The following ABL2 variants were observed in gnomAD, a reference collection of about 807,000 sequenced individuals.
ABL2 encodes the protein tyrosine-protein kinase ABL2.
ABL2 carries 49 observed loss-of-function variants against 107.7 expected under a neutral mutation model. The observed-to-expected ratio is 0.45, with a 90% CI of 0.36 to 0.58. The LOEUF (loss-of-function observed/expected upper bound fraction) is 0.58. Ranked by LOEUF, ABL2 falls within the 20% of genes least tolerant of loss-of-function variation. ABL2 has a pLI of 0.00. For synonymous variants in ABL2, 549 were observed against 548.6 expected (o/e 1.00, Z -0.01); for missense variants, 1,245 against 1,457.0 (o/e 0.85, Z 2.37).
intron 1 of ABL2, among the ~76,000 whole-genome samples, chr1:179,173,910 T>C (rs933928909): frequency 6.6e-6 from 1 of 151,266 alleles, no homozygotes; most frequent in Non-Finnish European, 1.5e-5. Context: ...AAGCAAAACA[T>C]AAAAATTTTT....
At chr1:179,114,162 G>A (rs1370097641) in intron 9 of ABL2, among the ~76,000 whole-genome samples, 1 of 152,154 alleles carries the variant, frequency 6.6e-6, no homozygotes, top group Admixed American at 6.5e-5. Flanking sequence ...GGCTGAGGCA[G>A]GAGAATCGCT....
rs17838214 is a variant in ABL2, at chr1:179,126,905, T to C, written c.392-233A>G. On this transcript the variant is annotated intron_variant, in intron 3 of 11. Transcript: ENST00000502732. This position sits in a 1 kb window ranked among gnomAD's most constrained non-coding sequence, Gnocchi z 4.4. Reference sequence around the variant, plus strand: ...ATGGTCACAAATGGTTTTCTGGCATTTACTACAGGGTTTTAAAAGTCTATA... The same window carrying C: ...ATGGTCACAAATGGTTTTCTGGCATCTACTACAGGGTTTTAAAAGTCTATA... Among the ~76,000 whole-genome samples the C allele has an allele frequency of 0.011, 1,714 of 152,248 alleles. 27 individuals carry two copies. Among genetic ancestry groups the C allele is most frequent in the African/African-American group, 0.039 (1,638 of 41,516 alleles).
chr1:179,204,823 C>T (rs542153366), intron 1 of ABL2, among the ~76,000 whole-genome samples: 2 of 152,190 alleles, frequency 1.3e-5, no homozygotes, highest in East Asian at 3.9e-4. Context: ...TTGTTTCATT[C>T]ACAGTTGTCT....
At chr1:179,151,865 G>C in intron 1 of ABL2, among the ~76,000 whole-genome samples, 1 of 152,124 alleles carries the variant, frequency 6.6e-6, no homozygotes. Context: ...TATCACCCCT[G>C]TTGAAAATGC....
At chr1:179,171,311 G>A (rs950198630) in intron 1 of ABL2, among the ~76,000 whole-genome samples, 2 of 152,214 alleles carry the variant, frequency 1.3e-5, no homozygotes, top group Middle Eastern at 6.8e-3. Flanking sequence ...AGATACTAAT[G>A]GGAATACAAA....
Position 179,229,258 on chromosome 1 carries a change from T to C in ABL2, c.140A>G (p.Asn47Ser), listed in dbSNP as rs544043509. Residue 47 changes from asparagine to serine, a missense_variant, in exon 1 of 12, where the codon AAT (asparagine) becomes AGT (serine). Around this residue, in one of 3 missense-constraint regions of ABL2, gnomAD observed 164 missense variants for 143.7 expected, o/e 1.14. Transcript: ENST00000502732. ...PAGRTTETGF[N>S]IFTQHDHFAS... ...ACACTCACCATGCTGGGTGAAGATA[T>C]TGAAGCCGGTCTCTGTGGTGCGCCC... The C allele has an allele frequency of 2.0e-4, 303 of 1,534,114 alleles. No individual in the cohort carries two copies. Among genetic ancestry groups the C allele is most frequent in the Non-Finnish European group, 2.4e-4 (273 of 1,140,628 alleles).
chr1:179,145,892 T>G (rs952808498), intron 1 of ABL2, among the ~76,000 whole-genome samples: 2 of 93,526 alleles, frequency 2.1e-5, no homozygotes, highest in Non-Finnish European at 2.1e-5. Context: ...TGGTCTGATC[T>G]CCATTTTTTT....
chr1:179,143,101 A>T, intron 1 of ABL2: 1 of 1,590,898 alleles, frequency 6.3e-7, no homozygotes, highest in Non-Finnish European at 8.6e-7. Flanking sequence ...AAGTCTTAGA[A>T]TTCCATTCTC....
At chr1:179,127,749 T>C (rs1557932415) in intron 3 of ABL2, among the ~76,000 whole-genome samples, 1 of 151,854 alleles carries the variant, frequency 6.6e-6, no homozygotes, top group East Asian at 1.9e-4. Flanking sequence ...CACATGGCCA[T>C]GGCTGAGCGT....
intron 9 of ABL2, among the ~76,000 whole-genome samples, chr1:179,113,892 C>A (rs2102598651): frequency 6.6e-6 from 1 of 151,988 alleles, no homozygotes; most frequent in South Asian, 2.1e-4. Context: ...CGAGATCGCG[C>A]CACTGCACTC....
Position 179,141,337 on chromosome 1 carries a change from G to A in ABL2, c.158-7963C>T, listed in dbSNP as rs80020905. On this transcript the variant is annotated intron_variant, in intron 1 of 11. Coordinates refer to ENST00000502732, the MANE Select transcript of ABL2 (RefSeq NM_007314.4). ...TAATAGGAATTCTGCACTGATGACA[G>A]TAGAGTGACAGACTGTCAATACGCA... Among the ~76,000 whole-genome samples the A allele has an allele frequency of 3.1e-4, 47 of 152,008 alleles. No individual in the cohort carries two copies. The East Asian group carries it at 9.1e-3, about 29-fold the overall frequency.
intron 1 of ABL2, among the ~76,000 whole-genome samples, chr1:179,193,958 G>C (rs1012873790): frequency 6.6e-6 from 1 of 152,020 alleles, no homozygotes; most frequent in Non-Finnish European, 1.5e-5. Flanking sequence ...GGATGGTCTC[G>C]ATCCTGGCCA....
intron 1 of ABL2, among the ~76,000 whole-genome samples, chr1:179,170,089 G>T (rs1372174420): frequency 1.3e-5 from 2 of 152,090 alleles, no homozygotes; most frequent in African/African-American, 4.8e-5. Flanking sequence ...CTAGAGACTA[G>T]GAGTCCAAGG....
intron 6 of ABL2, among the ~76,000 whole-genome samples, 181 bp from the exon 7 acceptor site, chr1:179,118,945 C>T (rs561465062): frequency 6.6e-6 from 1 of 152,162 alleles, no homozygotes; most frequent in East Asian, 1.9e-4. Context: ...TAAGGGAGTC[C>T]TTGCTTTCAC....
chr1:179,207,211 T>A (rs1457817314), intron 1 of ABL2, among the ~76,000 whole-genome samples: 3 of 151,816 alleles, frequency 2.0e-5, no homozygotes, highest in African/African-American at 7.3e-5. Context: ...AGCTGTTCTA[T>A]CTATCTGAAT....
At chr1:179,129,049 C>T (rs1656019473) in intron 3 of ABL2, among the ~76,000 whole-genome samples, 1 of 151,980 alleles carries the variant, frequency 6.6e-6, no homozygotes, top group South Asian at 2.1e-4. Context: ...TAAAGTGTTG[C>T]TTTATTTTTT....
At position 179,121,614 on chromosome 1, in the gene ABL2, A is replaced by G; in HGVS notation, c.941T>C (p.Val314Ala). 2.5e-6 allele frequency: 4 copies of G among 1,613,158 alleles called. No individual in the cohort carries two copies. The highest frequency in any genetic ancestry group is 3.4e-6 in the Non-Finnish European group (4 of 1,179,296). Residue 314 changes from valine (V) to alanine (A), a missense_variant, in exon 5 of 12, where the codon GTT becomes GCT. Transcript: ENST00000502732. The part of the protein sequence containing the change: ...VGVWKKYSLT[V>A]AVKTLKEDTM... ...ACCCACCTTCAATGTTTTCACAGCAACTGTAAGGCTGTATTTCTTCCAGAC... is the reference window on the plus strand; with the variant it reads ...ACCCACCTTCAATGTTTTCACAGCAGCTGTAAGGCTGTATTTCTTCCAGAC...
chr1:179,206,765 C>G (rs994585252), intron 1 of ABL2, among the ~76,000 whole-genome samples: 3 of 152,080 alleles, frequency 2.0e-5, no homozygotes, highest in Non-Finnish European at 4.4e-5. Context: ...AATGTACTGA[C>G]CCTTCAATAA....
At chr1:179,201,940 C>A in intron 1 of ABL2, 1 of 1,196,714 alleles carries the variant, frequency 8.4e-7, no homozygotes, top group Non-Finnish European at 1.0e-6. Context: ...GCTGTCCTGC[C>A]ACCCAACCCC....
Sources: gnomAD v4.1 joint callset for allele counts (sites outside exome capture counted in the v4.1 genomes callset) on GRCh38, gnomAD v4.1.1 for gene constraint, gnomAD v4.1.1 regional missense constraint, Gnocchi (gnomAD v3.1) non-coding constraint, MANE v1.5 for transcripts, NCBI Gene and HGNC (gene_info 2026-07-23, HGNC 2026-07-21) for gene names.